Variants in BRINP3 observed in about 807,000 individuals in gnomAD.
BRINP3 encodes the protein BMP/retinoic acid-inducible neural-specific protein 3.
A neutral mutation model predicts 71.0 loss-of-function variants in BRINP3; 19 were observed. That is an observed-to-expected ratio of 0.27 (90% CI 0.19 to 0.39). BRINP3 has a LOEUF of 0.39. BRINP3 is among the 10% of genes least tolerant of loss of function. BRINP3 has a pLI of 1.00. For missense variants in BRINP3, 959 were observed against 940.8 expected, an observed-to-expected ratio of 1.02 and a Z score of -0.25; for synonymous variants, 380 against 337.7, an observed-to-expected ratio of 1.13 and a Z score of -1.37.
At chr1:190,212,428 C>A (rs1656067119) in intron 6 of BRINP3, among the ~76,000 whole-genome samples, 1 of 152,048 alleles carries the variant, frequency 6.6e-6, no homozygotes, top group Non-Finnish European at 1.5e-5. Context: ...GTCACTTAAA[C>A]TACAGATACA....
At chr1:190,377,886 T>A (rs1670283614) in intron 2 of BRINP3, among the ~76,000 whole-genome samples, 1 of 152,122 alleles carries the variant, frequency 6.6e-6, no homozygotes, top group African/African-American at 2.4e-5. Flanking sequence ...AATTTCTAAA[T>A]AATTGAAAAG....
intron 2 of BRINP3, among the ~76,000 whole-genome samples, chr1:190,338,597 G>C (rs74129300): frequency 0.016 from 2,498 of 152,008 alleles, 63 homozygotes; most frequent in African/African-American, 0.055. Context: ...CATAAGTGAT[G>C]TTAAACGGAA....
chr1:190,267,530 A>T (rs1425157987), intron 3 of BRINP3, among the ~76,000 whole-genome samples: 3 of 145,506 alleles, frequency 2.1e-5, no homozygotes, highest in African/African-American at 7.3e-5. Flanking sequence ...CTAAAATCAA[A>T]AAAATGATAA....
intron 4 of BRINP3, 84 bp from the exon 5 acceptor site, chr1:190,234,561 T>C: frequency 1.0e-6 from 1 of 981,742 alleles, no homozygotes; most frequent in Non-Finnish European, 1.6e-6. Flanking sequence ...CACACTAATA[T>C]TATACGTTTG....
At chr1:190,471,577 G>A (rs763670775) in intron 1 of BRINP3, among the ~76,000 whole-genome samples, 23 of 151,264 alleles carry the variant, frequency 1.5e-4, no homozygotes, top group Admixed American at 5.3e-4. Flanking sequence ...CAAAAATGCC[G>A]GATGTCATCC....
intron 2 of BRINP3, among the ~76,000 whole-genome samples, chr1:190,428,649 A>G (rs546239571): frequency 2.6e-4 from 40 of 152,058 alleles, no homozygotes; most frequent in Non-Finnish European, 4.9e-4. Context: ...AATTTAATAA[A>G]ATGCATATTA....
intron 2 of BRINP3, among the ~76,000 whole-genome samples, chr1:190,439,405 C>T (rs974954767): frequency 7.3e-5 from 11 of 151,682 alleles, no homozygotes; most frequent in Non-Finnish European, 1.3e-4. Context: ...ATAACAAAAG[C>T]GTGGCATAAG....
At chr1:190,106,073 T>G (rs986263326) in intron 7 of BRINP3, among the ~76,000 whole-genome samples, 5 of 151,942 alleles carry the variant, frequency 3.3e-5, no homozygotes, top group Admixed American at 3.3e-4. Context: ...GTTCATGCTG[T>G]TAAGTGATTA....
At chr1:190,214,004 T>TC (rs1656202049) in intron 6 of BRINP3, among the ~76,000 whole-genome samples, 1 of 151,984 alleles carries the variant, frequency 6.6e-6, no homozygotes, top group South Asian at 2.1e-4. Context: ...AATTCTCATC[T>TC]CCCATGTGGC....
intron 2 of BRINP3, among the ~76,000 whole-genome samples, chr1:190,393,805 A>C (rs1031076): frequency 0.37 from 55,366 of 151,362 alleles, 11,118 homozygotes; most frequent in Admixed American, 0.49. Flanking sequence ...GATTATGCTA[A>C]AATGGATGTT....
chr1:190,469,827 A>G (rs1387625099), intron 1 of BRINP3, among the ~76,000 whole-genome samples: 1 of 151,140 alleles, frequency 6.6e-6, no homozygotes, highest in Admixed American at 6.6e-5. Flanking sequence ...GGTATTATAT[A>G]GAACCCAATC....
intron 4 of BRINP3, among the ~76,000 whole-genome samples, chr1:190,239,950 C>T (rs188397063): frequency 2.6e-4 from 40 of 151,312 alleles, no homozygotes; most frequent in Non-Finnish European, 4.7e-4. Context: ...TTTTAAAATC[C>T]AATACAATCT....
At chr1:190,455,836 G>A (rs12058205) in intron 1 of BRINP3, among the ~76,000 whole-genome samples, 28,859 of 151,988 alleles carry the variant, frequency 0.19, 2,846 homozygotes, top group South Asian at 0.22. Context: ...GTAATAAGAC[G>A]TATAATCCCA....
intron 7 of BRINP3, among the ~76,000 whole-genome samples, chr1:190,124,203 G>C (rs1653905768): frequency 6.6e-6 from 1 of 152,076 alleles, no homozygotes; most frequent in Non-Finnish European, 1.5e-5. Flanking sequence ...AAGTGGGTTT[G>C]CTTTGAAAAT....
intron 2 of BRINP3, among the ~76,000 whole-genome samples, chr1:190,387,387 A>G (rs1437118212): frequency 1.3e-5 from 2 of 151,954 alleles, no homozygotes; most frequent in East Asian, 3.9e-4. Context: ...ATTTAATCCT[A>G]GGCAGCATTA....
intron 2 of BRINP3, among the ~76,000 whole-genome samples, chr1:190,341,204 T>C (rs682818): frequency 0.39 from 58,659 of 151,570 alleles, 12,626 homozygotes; most frequent in Non-Finnish European, 0.49. Context: ...CATTGGTTAG[T>C]TGAACAAACA....
chr1:190,164,123 C>T (rs1571882759), intron 6 of BRINP3, among the ~76,000 whole-genome samples: 1 of 152,014 alleles, frequency 6.6e-6, no homozygotes, highest in African/African-American at 2.4e-5. Flanking sequence ...GATACATACC[C>T]CCGATTGGAA....
In BRINP3 at chr1:190,160,823, A is replaced by G. The variant is rs199724740; in HGVS notation, c.1029T>C (p.His343=). 4.1e-5 allele frequency: 66 copies of G among 1,613,654 alleles called. No homozygotes were observed. The African/African-American group carries it at 5.6e-4, about 14-fold the overall frequency. The change falls in exon 7 of 8, where the codon CAT becomes CAC. Residue 343 remains histidine (H), a synonymous_variant. Transcript: ENST00000367462. ...GAAAATTAGAATCCATTGTCCACAA[A>G]TGCATTATAGTAGATGTGTTGAGGA... is the stretch of plus-strand genomic sequence containing the variant. ...NYFLNTSTIM[H]LWTMDSNFQR...
chr1:190,445,056 T>C (rs912193645), intron 2 of BRINP3, among the ~76,000 whole-genome samples: 3 of 152,148 alleles, frequency 2.0e-5, no homozygotes, highest in African/African-American at 7.2e-5. Flanking sequence ...CTGAATTTTA[T>C]TGGAAAATTA....
Sources: allele counts gnomAD v4.1 joint callset (sites outside exome capture counted in the v4.1 genomes callset), GRCh38; gene constraint gnomAD v4.1.1; transcripts MANE v1.5; gene names NCBI Gene and HGNC (gene_info 2026-07-23, HGNC 2026-07-21).